Variants in CCSAP observed in about 807,000 individuals in gnomAD.
CCSAP encodes centriole, cilia and spindle associated protein, also known as centriole, cilia and spindle-associated protein.
Under a neutral mutation model 25.9 loss-of-function variants are expected in CCSAP, and 17 were observed. That is an observed-to-expected ratio of 0.66 (90% CI 0.45 to 0.99). CCSAP has a LOEUF of 0.99. Ranked by LOEUF, CCSAP falls within the 50% of genes least tolerant of loss-of-function variation. The probability of loss-of-function intolerance (pLI) is 0.00; values close to 1 mark genes in which losing one functional copy is unlikely to be tolerated. For missense variants in CCSAP, 339 were observed against 367.8 expected (o/e 0.92, Z 0.64); for synonymous variants, 169 against 157.1 (o/e 1.08, Z -0.57).
At chr1:229,333,431 G>GGAAA (rs1553304883) in intron 2 of CCSAP, among the ~76,000 whole-genome samples, 20 of 70,498 alleles carry the variant, frequency 2.8e-4, no homozygotes, top group Middle Eastern at 0.018. Flanking sequence ...AGACTCCATC[G>GGAAA]AAAAAAAAAA....
chr1:229,336,419 G>C (rs1268542911), intron 2 of CCSAP, among the ~76,000 whole-genome samples: 1 of 151,940 alleles, frequency 6.6e-6, no homozygotes, highest in East Asian at 1.9e-4. Context: ...TCATGGTAAA[G>C]GAGACCCCTC....
intron 2 of CCSAP, among the ~76,000 whole-genome samples, chr1:229,340,814 GTC>G (rs1476383407): frequency 1.3e-5 from 2 of 152,210 alleles, no homozygotes; most frequent in Non-Finnish European, 2.9e-5. Context: ...GCCAGGAAGA[GTC>G]TGATTGGCTT....
rs1657830629 is a variant in CCSAP at position 229,321,812 on chromosome 1, C to T, written c.*3423G>A. On this transcript the variant is annotated 3_prime_UTR_variant, in exon 4 of 4. Transcript: ENST00000284617. ...CGGCCCTCTGTATCCGTGAGTTCTG[C>T]ATCCATGGATTCAACCAAATACAAA... 2.0e-5 allele frequency: 3 copies of T among 152,220 alleles called. No individual in the cohort carries two copies. The highest frequency in any genetic ancestry group is 4.1e-4 in the South Asian group (2 of 4,834). 9.4% of individuals were successfully genotyped at this position (152,220 alleles called of 1,614,324 possible).
chr1:229,337,476 T>C (rs1020049873), intron 2 of CCSAP, among the ~76,000 whole-genome samples: 1 of 150,888 alleles, frequency 6.6e-6, no homozygotes, highest in Non-Finnish European at 1.5e-5. Flanking sequence ...AATTTCTAAT[T>C]CCCACGCAAT....
chr1:229,325,552 TTAC>T (rs1657920971), intron 3 of CCSAP, 141 bp from the exon 4 acceptor site: 1 of 650,870 alleles, frequency 1.5e-6, no homozygotes, highest in African/African-American at 1.8e-5. Flanking sequence ...TAGTTCTTCT[TTAC>T]ATAAAACCTT....
At chr1:229,331,092 C>T (rs1658057582) in intron 2 of CCSAP, among the ~76,000 whole-genome samples, 1 of 152,064 alleles carries the variant, frequency 6.6e-6, no homozygotes, top group South Asian at 2.1e-4. Flanking sequence ...TCAAAAGTGA[C>T]CCCAGGCTAA....
chr1:229,335,187 C>T (rs1319553552), intron 2 of CCSAP, among the ~76,000 whole-genome samples: 11 of 152,104 alleles, frequency 7.2e-5, no homozygotes, highest in Admixed American at 5.9e-4. Context: ...GGTATAATGA[C>T]GCACACCTGT....
intron 2 of CCSAP, among the ~76,000 whole-genome samples, chr1:229,328,552 C>G (rs1657999382): frequency 6.6e-6 from 1 of 152,220 alleles, no homozygotes; most frequent in Non-Finnish European, 1.5e-5. Context: ...AACAATCCTC[C>G]TGCCTCGGCC....
At chr1:229,332,270 G>T (rs1658086336) in intron 2 of CCSAP, among the ~76,000 whole-genome samples, 1 of 152,196 alleles carries the variant, frequency 6.6e-6, no homozygotes, top group African/African-American at 2.4e-5. Flanking sequence ...TCAGCCAGAA[G>T]TTCCCAAGGC....
chr1:229,329,587 C>T (rs1016715227), intron 2 of CCSAP, among the ~76,000 whole-genome samples: 1 of 152,186 alleles, frequency 6.6e-6, no homozygotes, highest in African/African-American at 2.4e-5. Flanking sequence ...AATGAGGCCC[C>T]TAGCTCCACA....
At chr1:229,340,594 C>A (rs1000035290) in intron 2 of CCSAP, 1 of 563,364 alleles carries the variant, frequency 1.8e-6, no homozygotes. Context: ...AAGGCATGTT[C>A]CCTACCCCCT....
chr1:229,333,322 A>G (rs1251519559), intron 2 of CCSAP, among the ~76,000 whole-genome samples: 1 of 150,146 alleles, frequency 6.7e-6, no homozygotes, highest in African/African-American at 2.5e-5. Flanking sequence ...AGTCCCAGCT[A>G]CTCCGGAGGC....
In CCSAP at chr1:229,326,694, C is replaced by T. The variant is rs369372757; in HGVS notation, c.636+44G>A. ...GATGACAGGCGCATGGCCCAGCTGG[C>T]CACTCTCAAAGGGAACACAGAACCA... On this transcript the variant is annotated intron_variant, in intron 3 of 3. Coordinates refer to ENST00000284617, the MANE Select transcript of CCSAP (RefSeq NM_145257.5). 505 of 1,604,112 alleles carry T rather than the reference C, an allele frequency of 3.1e-4. 2 individuals are homozygous for T. The African/African-American group carries it at 6.3e-3, about 20-fold the overall frequency.
chr1:229,335,560 A>C (rs893514872), intron 2 of CCSAP, among the ~76,000 whole-genome samples: 2 of 152,244 alleles, frequency 1.3e-5, no homozygotes, highest in East Asian at 1.9e-4. Flanking sequence ...TAACTTCCCC[A>C]GTGAAGGTAA....
At position 229,337,670 on chromosome 1, in the gene CCSAP, C is replaced by CAAAAAAAAAAAAAAAAAAAAA. The variant is rs539736168; in HGVS notation, c.367+4428_367+4429insTTTTTTTTTTTTTTTTTTTTT. Among the ~76,000 whole-genome samples, 26 of 55,990 alleles carry CAAAAAAAAAAAAAAAAAAAAA rather than the reference C, an allele frequency of 4.6e-4. 2 individuals are homozygous for CAAAAAAAAAAAAAAAAAAAAA. Among genetic ancestry groups the CAAAAAAAAAAAAAAAAAAAAA allele is most frequent in the Non-Finnish European group, 6.1e-4 (17 of 27,956 alleles). 36.7% of individuals were successfully genotyped at this position (55,990 alleles called of 152,430 possible). On this transcript the variant is annotated intron_variant, in intron 2 of 3. Transcript: ENST00000284617. ...CTAGACTGGAACAAGATCAAAGGCT[C>CAAAAAAAAAAAAAAAAAAAAA]AAAAAAAAATATATATATATATATA...
At chr1:229,340,651 G>A (rs751477693) in intron 2 of CCSAP, 32 of 432,900 alleles carry the variant, frequency 7.4e-5, no homozygotes, top group Non-Finnish European at 1.1e-4. Context: ...TGAAGCATCA[G>A]GATTTGTGGG....
At chr1:229,327,629 G>A in intron 2 of CCSAP, 1 of 454,890 alleles carries the variant, frequency 2.2e-6, no homozygotes, top group South Asian at 1.6e-5. Context: ...CAGCACTTTG[G>A]GAGGCCGAGG....
intron 2 of CCSAP, among the ~76,000 whole-genome samples, chr1:229,335,676 T>C (rs1658180368): frequency 6.6e-6 from 1 of 152,166 alleles, no homozygotes; most frequent in African/African-American, 2.4e-5. Context: ...GGTCAGCTAG[T>C]GTGTTCTGAG....
intron 3 of CCSAP, 118 bp downstream of exon 3, chr1:229,326,620 A>C: frequency 2.5e-6 from 3 of 1,213,998 alleles, no homozygotes; most frequent in Non-Finnish European, 3.5e-6. Flanking sequence ...CTATCCCCTA[A>C]GATCTCCCAT....
Sources: allele counts gnomAD v4.1 joint callset (sites outside exome capture counted in the v4.1 genomes callset), GRCh38; gene constraint gnomAD v4.1.1; transcripts MANE v1.5; gene names NCBI Gene and HGNC (gene_info 2026-07-23, HGNC 2026-07-21).